The following AGPAT4 variants were observed in gnomAD, a reference collection of about 807,000 sequenced individuals.
AGPAT4 encodes the protein 1-acylglycerol-3-phosphate O-acyltransferase 4.
In AGPAT4, 15 loss-of-function variants were observed where a neutral mutation model predicts 48.0. The observed-to-expected ratio is 0.31, with a 90% CI of 0.21 to 0.48. The LOEUF is 0.48. Among genes scored for constraint, AGPAT4 ranks in the 20% least tolerant of loss-of-function variants. The probability of loss-of-function intolerance (pLI) is 0.99; values close to 1 mark genes in which losing one functional copy is unlikely to be tolerated. For synonymous variants in AGPAT4, 178 were observed against 198.7 expected (o/e 0.90, Z 0.88); for missense variants, 314 against 482.5 (o/e 0.65, Z 3.27).
chr6:161,251,097 G>C lies in AGPAT4; in HGVS notation c.-89-18795C>G, dbSNP rs1302042471. Among the ~76,000 whole-genome samples the C allele has an allele frequency of 2.6e-5, 4 of 152,128 alleles. No individual in the cohort carries two copies. The highest frequency in any genetic ancestry group is 5.9e-5 in the Non-Finnish European group (4 of 68,034). Reference sequence around the variant, plus strand: ...ATTTCTTTCATAATGTTTAAACTTAGGGCTTCCTTCTACGCTTATTTCTTA... The same window carrying C: ...ATTTCTTTCATAATGTTTAAACTTACGGCTTCCTTCTACGCTTATTTCTTA... On this transcript the variant is annotated intron_variant, in intron 1 of 8. Transcript: ENST00000320285. This position sits in a 1 kb window ranked among gnomAD's most constrained non-coding sequence, Gnocchi z 4.6.
In AGPAT4 at chr6:161,144,664, C is replaced by T. The variant is rs1229379791; in HGVS notation, c.843+1860G>A. Among the ~76,000 whole-genome samples the T allele has an allele frequency of 6.6e-6, 1 of 152,116 alleles. No individual in the cohort carries two copies. The highest frequency in any genetic ancestry group is 1.5e-5 in the Non-Finnish European group (1 of 68,032). ...GCTCATTTTCTAAACCTTTTCTTAG[C>T]ATACTCTGCTTTCGGCTAAAAGTAA... On this transcript the variant is annotated intron_variant, in intron 7 of 8. Transcript: ENST00000320285. The surrounding 1 kb of genome is among the most constrained non-coding windows in gnomAD (Gnocchi z 6.6).
rs1782111477 is a variant in AGPAT4 at position 161,231,096 on chromosome 6, T to C, written c.178+940A>G. On this transcript the variant is annotated intron_variant, in intron 2 of 8. Transcript: ENST00000320285. The surrounding 1 kb of genome is among the most constrained non-coding windows in gnomAD (Gnocchi z 5.3). ...CAAAAATATATCAATAATTTTAGACTCTTGGCATAATCTTAGTTGATGTTT... is the reference window on the plus strand; with the variant it reads ...CAAAAATATATCAATAATTTTAGACCCTTGGCATAATCTTAGTTGATGTTT... Among the ~76,000 whole-genome samples, 1 of 152,200 alleles carries C rather than the reference T, an allele frequency of 6.6e-6. No individual in the cohort carries two copies. Among genetic ancestry groups the C allele is most frequent in the Non-Finnish European group, 1.5e-5 (1 of 68,028 alleles).
chr6:161,135,565 CCTT>C lies in AGPAT4; in HGVS notation c.*972_*974del, dbSNP rs549709158. The C allele has an allele frequency of 6.6e-6, 1 of 152,254 alleles. No individual in the cohort carries two copies. The highest frequency in any genetic ancestry group is 6.5e-5 in the Admixed American group (1 of 15,302). 9.4% of individuals were successfully genotyped at this position (152,254 alleles called of 1,614,324 possible). On this transcript the variant is annotated 3_prime_UTR_variant, in exon 9 of 9. Coordinates refer to ENST00000320285, the MANE Select transcript of AGPAT4 (RefSeq NM_020133.3). ...ACCCTCATCAGAGCAGGACCTGGCTCCTTTAGGGCTGCAGACAAGCTCTACATG... is the reference window on the plus strand; with the variant it reads ...ACCCTCATCAGAGCAGGACCTGGCTCTAGGGCTGCAGACAAGCTCTACATG...
At chr6:161,241,077 C>T (rs1351876742) in intron 1 of AGPAT4, among the ~76,000 whole-genome samples, 1 of 151,964 alleles carries the variant, frequency 6.6e-6, no homozygotes, top group Non-Finnish European at 1.5e-5. Flanking sequence ...GCCTGGCCAA[C>T]ATGGTGAAAC....
chr6:161,249,368 G>A lies in AGPAT4; in HGVS notation c.-89-17066C>T, dbSNP rs1011268313. ...CACAGCAAAGGAAACTATCAACTAAGTGAACAGACAACCTACAGAATGGGA... is the reference window on the plus strand; with the variant it reads ...CACAGCAAAGGAAACTATCAACTAAATGAACAGACAACCTACAGAATGGGA... On this transcript the variant is annotated intron_variant, in intron 1 of 8. Coordinates refer to ENST00000320285, the MANE Select transcript of AGPAT4 (RefSeq NM_020133.3). This position sits in a 1 kb window ranked among gnomAD's most constrained non-coding sequence, Gnocchi z 6.2. 2.0e-5 allele frequency among the ~76,000 whole-genome samples: 3 copies of A among 152,164 alleles called. No individual in the cohort carries two copies. Among genetic ancestry groups the A allele is most frequent in the Non-Finnish European group, 2.9e-5 (2 of 68,020 alleles).
chr6:161,269,622 G>A (rs994409173), intron 1 of AGPAT4, among the ~76,000 whole-genome samples: 3 of 152,108 alleles, frequency 2.0e-5, no homozygotes, highest in African/African-American at 4.8e-5. Context: ...TCCAGCCTGG[G>A]TGACAGAGCG....
At chr6:161,167,761 T>A (rs1486928535) in intron 2 of AGPAT4, among the ~76,000 whole-genome samples, 1 of 152,238 alleles carries the variant, frequency 6.6e-6, no homozygotes, top group East Asian at 1.9e-4. Flanking sequence ...TTTTACGCAG[T>A]GAGCACTGCG....
rs937694502 is a variant in AGPAT4, at chr6:161,177,413, G to A, written c.179-10996C>T. Among the ~76,000 whole-genome samples the A allele has an allele frequency of 1.3e-5, 2 of 151,972 alleles. No homozygotes were observed. The highest frequency in any genetic ancestry group is 2.4e-5 in the African/African-American group (1 of 41,346). ...AATTTGATCTTCAATCACTGATATC[G>A]TTTCTTCCACTTGATCGAATCGGCC... On this transcript the variant is annotated intron_variant, in intron 2 of 8. Coordinates refer to ENST00000320285, the MANE Select transcript of AGPAT4 (RefSeq NM_020133.3). The surrounding 1 kb of genome is among the most constrained non-coding windows in gnomAD (Gnocchi z 5.0).
intron 3 of AGPAT4, among the ~76,000 whole-genome samples, chr6:161,156,982 C>A (rs1194457114): frequency 6.6e-6 from 1 of 152,226 alleles, no homozygotes; most frequent in Non-Finnish European, 1.5e-5. Context: ...ATGCTAATGA[C>A]TGGCTTGCTG....
chr6:161,141,577 CTTG>C lies in AGPAT4; in HGVS notation c.844-1960_844-1958del, dbSNP rs199901404. 1.6e-4 allele frequency among the ~76,000 whole-genome samples: 24 copies of C among 151,196 alleles called. No individual in the cohort carries two copies. The highest frequency in any genetic ancestry group is 3.2e-4 in the Non-Finnish European group (22 of 67,938). On this transcript the variant is annotated intron_variant, in intron 7 of 8. Transcript: ENST00000320285. The surrounding 1 kb of genome is among the most constrained non-coding windows in gnomAD (Gnocchi z 6.7). ...GACAAGGGGGGTGATATTTTTGTGC[CTTG>C]TTTTTTTTTAAAAAAAAAACAGCTT...
Position 161,184,591 on chromosome 6 carries a change from C to A in AGPAT4, c.179-18174G>T, listed in dbSNP as rs1173376751. ...GGACCCCCCATTCCCACCTGTCATCCTCTGGCCTCTCTGTCCCTGCTTCCT... is the reference window on the plus strand; with the variant it reads ...GGACCCCCCATTCCCACCTGTCATCATCTGGCCTCTCTGTCCCTGCTTCCT... On this transcript the variant is annotated intron_variant, in intron 2 of 8. Coordinates refer to ENST00000320285, the MANE Select transcript of AGPAT4 (RefSeq NM_020133.3). The surrounding 1 kb of genome is among the most constrained non-coding windows in gnomAD (Gnocchi z 4.8). Among the ~76,000 whole-genome samples, 1 of 152,084 alleles carries A rather than the reference C, an allele frequency of 6.6e-6. No individual in the cohort carries two copies. The highest frequency in any genetic ancestry group is 2.4e-5 in the African/African-American group (1 of 41,388).
chr6:161,136,094 ATTTT>A lies in AGPAT4; in HGVS notation c.*442_*445del, dbSNP rs958650685. On this transcript the variant is annotated 3_prime_UTR_variant, in exon 9 of 9. Transcript: ENST00000320285. ...ACAGATGACCCAGAAAAGCACTTTAATTTTTTTTTCTTGGAGGCATAATTTAGTC... is the reference window on the plus strand; with the variant it reads ...ACAGATGACCCAGAAAAGCACTTTAATTTTTCTTGGAGGCATAATTTAGTC... The A allele has an allele frequency of 5.9e-6, 1 of 169,514 alleles. No individual in the cohort carries two copies. Among genetic ancestry groups the A allele is most frequent in the South Asian group, 1.5e-4 (1 of 6,630 alleles). The allele number at this position is 169,514 out of a possible 1,614,324, so 10.5% of individuals were successfully genotyped here. A position where few individuals can be genotyped will look rare whatever the true frequency, so the allele number is the denominator to read the frequency against.
At chr6:161,256,651 G>T (rs983753366) in intron 1 of AGPAT4, among the ~76,000 whole-genome samples, 1 of 152,226 alleles carries the variant, frequency 6.6e-6, no homozygotes, top group East Asian at 1.9e-4. Context: ...GGCAGAGACG[G>T]CGTCTGATGG....
Position 161,169,133 on chromosome 6 carries a change from G to C in AGPAT4, c.179-2716C>G, listed in dbSNP as rs1453695553. On this transcript the variant is annotated intron_variant, in intron 2 of 8. Transcript: ENST00000320285. The surrounding 1 kb of genome is among the most constrained non-coding windows in gnomAD (Gnocchi z 5.0). ...AGAGGCAGATGGAGAGAAACCCAGA[G>C]AGAGAACATCACAGAGACTTCTGGG... 6.6e-6 allele frequency among the ~76,000 whole-genome samples: 1 copy of C among 152,170 alleles called. No homozygotes were observed. Among genetic ancestry groups the C allele is most frequent in the Middle Eastern group, 3.2e-3 (1 of 316 alleles).
intron 1 of AGPAT4, among the ~76,000 whole-genome samples, chr6:161,257,709 T>C (rs73019329): frequency 0.11 from 17,197 of 151,882 alleles, 1,274 homozygotes; most frequent in Non-Finnish European, 0.17. Flanking sequence ...TTCATGGAAA[T>C]TAAAAAGGAA....
rs1310836065 is a variant in AGPAT4, at chr6:161,164,443, A to C, written c.348+1805T>G. Among the ~76,000 whole-genome samples, 2 of 152,220 alleles carry C rather than the reference A, an allele frequency of 1.3e-5. No individual in the cohort carries two copies. Among genetic ancestry groups the C allele is most frequent in the African/African-American group, 4.8e-5 (2 of 41,458 alleles). ...ATGAGGCCTTTGCACATCACGAGCC[A>C]GGAAGGTATTAGAAGCCTGGTCCTT... On this transcript the variant is annotated intron_variant, in intron 3 of 8. Coordinates refer to ENST00000320285, the MANE Select transcript of AGPAT4 (RefSeq NM_020133.3). This position sits in a 1 kb window ranked among gnomAD's most constrained non-coding sequence, Gnocchi z 7.4.
chr6:161,249,714 G>A lies in AGPAT4; in HGVS notation c.-89-17412C>T, dbSNP rs1177542627. Reference sequence around the variant, plus strand: ...AGGAACACATACACCATTGGTGGGAGTGTAAGTTAGTTCAACCATTGTGGA... The same window carrying A: ...AGGAACACATACACCATTGGTGGGAATGTAAGTTAGTTCAACCATTGTGGA... On this transcript the variant is annotated intron_variant, in intron 1 of 8. Transcript: ENST00000320285. The surrounding 1 kb of genome is among the most constrained non-coding windows in gnomAD (Gnocchi z 6.2). Among the ~76,000 whole-genome samples the A allele has an allele frequency of 6.8e-6, 1 of 148,022 alleles. No individual in the cohort carries two copies. Among genetic ancestry groups the A allele is most frequent in the Non-Finnish European group, 1.5e-5 (1 of 65,900 alleles).
In AGPAT4 at chr6:161,244,934, G is replaced by C. The variant is rs769509848; in HGVS notation, c.-89-12632C>G. 1.2e-4 allele frequency among the ~76,000 whole-genome samples: 19 copies of C among 152,220 alleles called. No homozygotes were observed. The highest frequency in any genetic ancestry group is 1.3e-4 in the Admixed American group (2 of 15,286). ...GAGACAGGCTATCTCAGAAAACCAAGGAGATGCGAAGTGATAGCAACCAGA... is the reference window on the plus strand; with the variant it reads ...GAGACAGGCTATCTCAGAAAACCAACGAGATGCGAAGTGATAGCAACCAGA... On this transcript the variant is annotated intron_variant, in intron 1 of 8. Coordinates refer to ENST00000320285, the MANE Select transcript of AGPAT4 (RefSeq NM_020133.3). This position sits in a 1 kb window ranked among gnomAD's most constrained non-coding sequence, Gnocchi z 4.7.
rs1460589536 is a variant in AGPAT4 at position 161,142,725 on chromosome 6, G to A, written c.844-3105C>T. Among the ~76,000 whole-genome samples, 6 of 152,050 alleles carry A rather than the reference G, an allele frequency of 3.9e-5. No individual in the cohort carries two copies. Among genetic ancestry groups the A allele is most frequent in the Non-Finnish European group, 7.3e-5 (5 of 68,030 alleles). On this transcript the variant is annotated intron_variant, in intron 7 of 8. Transcript: ENST00000320285. This position sits in a 1 kb window ranked among gnomAD's most constrained non-coding sequence, Gnocchi z 6.4. ...AGTTGAGGAACAGAGAGGAAGAAGC[G>A]GCTCCTCTTAGTCAGCAAGTCTGGG...
Sources: allele counts gnomAD v4.1 joint callset (sites outside exome capture counted in the v4.1 genomes callset), GRCh38; gene constraint gnomAD v4.1.1; non-coding constraint Gnocchi (gnomAD v3.1); transcripts MANE v1.5; gene names NCBI Gene and HGNC (gene_info 2026-07-23, HGNC 2026-07-21).